The following CA10 variants were observed in gnomAD, a reference collection of about 807,000 sequenced individuals.
The protein encoded by CA10 is carbonic anhydrase 10 (inactive).
Under a neutral mutation model 44.2 loss-of-function variants are expected in CA10, and 14 were observed. The ratio of observed to expected loss-of-function variants is 0.32; its 90% confidence interval spans 0.21 to 0.50. CA10 has a LOEUF of 0.50. Among genes scored for constraint, CA10 ranks in the 20% least tolerant of loss-of-function variants. The pLI is 0.99. For synonymous variants in CA10, 159 were observed against 141.6 expected, an observed-to-expected ratio of 1.12 and a Z score of -0.87; for missense variants, 350 against 409.7, an observed-to-expected ratio of 0.85 and a Z score of 1.26.
intron 2 of CA10, among the ~76,000 whole-genome samples, chr17:52,069,489 A>G (rs931475898): frequency 2.0e-5 from 3 of 152,310 alleles, no homozygotes; most frequent in African/African-American, 7.2e-5. Context: ...CATCTGTTAA[A>G]CACTTAGGCA....
chr17:51,677,887 C>CG lies in CA10; in HGVS notation c.466-24152_466-24151insC, dbSNP rs893514803. ...AACAATGCCACTCCTAGGTATACACCCCCCCCCCCACCGGCTGCCAATTGA... is the reference window on the plus strand; with the variant it reads ...AACAATGCCACTCCTAGGTATACACCGCCCCCCCCCACCGGCTGCCAATTGA... On this transcript the variant is annotated intron_variant, in intron 4 of 8. Transcript: ENST00000451037. Among the ~76,000 whole-genome samples the CG allele has an allele frequency of 3.8e-3, 72 of 19,170 alleles. No individual in the cohort carries two copies. The Middle Eastern group carries it at 0.056, about 15-fold the overall frequency. The allele number at this position is 19,170 out of a possible 152,430, so 12.6% of individuals were successfully genotyped here. A position where few individuals can be genotyped will look rare whatever the true frequency, so the allele number is the denominator to read the frequency against.
chr17:52,071,144 C>T (rs960668219), intron 2 of CA10, among the ~76,000 whole-genome samples: 1 of 152,180 alleles, frequency 6.6e-6, no homozygotes, highest in African/African-American at 2.4e-5. Flanking sequence ...ATTGTTATAT[C>T]ATTAGAAACC....
At chr17:52,132,111 CACATGTAT>C (rs1989255704) in intron 1 of CA10, among the ~76,000 whole-genome samples, 1 of 151,678 alleles carries the variant, frequency 6.6e-6, no homozygotes, top group African/African-American at 2.4e-5. Flanking sequence ...GTATACATAG[CACATGTAT>C]ACATGTATAC....
intron 4 of CA10, among the ~76,000 whole-genome samples, chr17:51,660,412 C>T (rs920058732): frequency 6.6e-6 from 1 of 152,232 alleles, no homozygotes; most frequent in Non-Finnish European, 1.5e-5. Context: ...GACAAGTACT[C>T]CTCTGTGTTA....
chr17:51,996,398 T>C (rs1015522855), intron 2 of CA10, among the ~76,000 whole-genome samples: 2 of 152,042 alleles, frequency 1.3e-5, no homozygotes, highest in Non-Finnish European at 1.5e-5. Context: ...CAATCACCTC[T>C]TTGCCACTAG....
intron 2 of CA10, among the ~76,000 whole-genome samples, chr17:51,982,991 A>G (rs1020801319): frequency 2.0e-4 from 30 of 151,760 alleles, no homozygotes; most frequent in African/African-American, 7.0e-4. Context: ...TATGTTTTAG[A>G]TTATTTTTTC....
At chr17:51,995,758 T>A (rs549761643) in intron 2 of CA10, among the ~76,000 whole-genome samples, 11 of 152,198 alleles carry the variant, frequency 7.2e-5, no homozygotes, top group Admixed American at 2.0e-4. Context: ...CAGAACTGAA[T>A]TCCTGTGTTA....
chr17:52,045,566 G>T (rs1986890062), intron 2 of CA10, among the ~76,000 whole-genome samples: 1 of 151,958 alleles, frequency 6.6e-6, no homozygotes, highest in Admixed American at 6.6e-5. Context: ...CTATACTGTT[G>T]TAAGGTTTCC....
At chr17:52,004,735 A>G (rs999351228) in intron 2 of CA10, among the ~76,000 whole-genome samples, 5 of 151,900 alleles carry the variant, frequency 3.3e-5, no homozygotes, top group African/African-American at 1.2e-4. Context: ...AATCTTTTAG[A>G]GAAAGTGAGG....
chr17:51,922,110 A>G (rs1982257221), intron 3 of CA10, among the ~76,000 whole-genome samples: 2 of 152,186 alleles, frequency 1.3e-5, no homozygotes, highest in Admixed American at 1.3e-4. Context: ...GATAACTTGC[A>G]TTATTACCTG....
intron 2 of CA10, among the ~76,000 whole-genome samples, chr17:51,959,282 CTGTGTG>C (rs71149386): frequency 0.026 from 3,531 of 134,366 alleles, 87 homozygotes; most frequent in Middle Eastern, 0.087. Flanking sequence ...CTCTCTCTCT[CTGTGTG>C]TGTGTGTGTG....
intron 3 of CA10, among the ~76,000 whole-genome samples, chr17:51,828,996 T>C (rs1908131810): frequency 6.6e-6 from 1 of 152,220 alleles, no homozygotes; most frequent in Non-Finnish European, 1.5e-5. Flanking sequence ...TTTATTAAGA[T>C]GTCTGGTTGT....
chr17:52,087,805 T>C (rs1303583763), intron 1 of CA10, among the ~76,000 whole-genome samples: 3 of 152,246 alleles, frequency 2.0e-5, no homozygotes, highest in African/African-American at 7.2e-5. Flanking sequence ...CAGTGTTTTA[T>C]GCCCCCCTTA....
chr17:51,945,412 G>T (rs2144023501), intron 2 of CA10, among the ~76,000 whole-genome samples: 1 of 152,214 alleles, frequency 6.6e-6, no homozygotes, highest in Admixed American at 6.5e-5. Context: ...GAAAACGATG[G>T]CACACATTCG....
rs1303129028 is a variant in CA10, at chr17:51,824,350, C to T, written c.280-76532G>A. On this transcript the variant is annotated intron_variant, in intron 3 of 8. Coordinates refer to ENST00000451037, the MANE Select transcript of CA10 (RefSeq NM_020178.5). Reference sequence around the variant, plus strand: ...TCAGGTAGTTTACACTCTAGCAGGGCCAGGGATTGGCTGGTGTGGGGAAGA... The same window carrying T: ...TCAGGTAGTTTACACTCTAGCAGGGTCAGGGATTGGCTGGTGTGGGGAAGA... Among the ~76,000 whole-genome samples, 3 of 152,140 alleles carry T rather than the reference C, an allele frequency of 2.0e-5. No individual in the cohort carries two copies. In the East Asian group the frequency reaches 5.8e-4, roughly 29 times the overall value.
At chr17:51,786,376 A>G (rs1435930874) in intron 3 of CA10, among the ~76,000 whole-genome samples, 1 of 152,156 alleles carries the variant, frequency 6.6e-6, no homozygotes, top group Non-Finnish European at 1.5e-5. Flanking sequence ...ACACAGTGAA[A>G]CACTGTCTCT....
intron 4 of CA10, among the ~76,000 whole-genome samples, chr17:51,654,913 C>T (rs910030884): frequency 6.6e-6 from 1 of 151,802 alleles, no homozygotes; most frequent in South Asian, 2.1e-4. Context: ...ATGCCCCCCC[C>T]ACCACCTCTT....
chr17:51,984,742 C>T (rs539660052), intron 2 of CA10, among the ~76,000 whole-genome samples: 14 of 151,948 alleles, frequency 9.2e-5, no homozygotes, highest in African/African-American at 3.4e-4. Context: ...CCTTTATGCA[C>T]ATAAACTAGA....
intron 1 of CA10, among the ~76,000 whole-genome samples, chr17:52,108,192 T>TATATATATATA (rs1555566967): frequency 2.7e-5 from 3 of 113,134 alleles, no homozygotes; most frequent in Non-Finnish European, 6.3e-5. Context: ...TATATATATT[T>TATATATATATA]TTTATATATA....
Sources: gnomAD v4.1 joint callset for allele counts (sites outside exome capture counted in the v4.1 genomes callset) on GRCh38, gnomAD v4.1.1 for gene constraint, MANE v1.5 for transcripts, NCBI Gene and HGNC (gene_info 2026-07-23, HGNC 2026-07-21) for gene names.